Variants in KANK4 observed in about 807,000 individuals in gnomAD.
KANK4 encodes KN motif and ankyrin repeat domain-containing protein 4.
KANK4 carries 50 observed loss-of-function variants against 80.8 expected under a neutral mutation model. The observed-to-expected ratio is 0.62, with a 90% confidence interval of 0.49 to 0.78. The LOEUF is 0.78. Ranked by LOEUF, KANK4 falls within the 30% of genes least tolerant of loss-of-function variation. The pLI, the probability that KANK4 is intolerant of heterozygous loss-of-function variation, is 0.00. For missense variants in KANK4, 1,196 were observed against 1,240.1 expected, an observed-to-expected ratio of 0.96 and a Z score of 0.53; for synonymous variants, 465 against 506.9, an observed-to-expected ratio of 0.92 and a Z score of 1.11.
At chr1:62,250,476 T>C (rs1028981003) in intron 8 of KANK4, among the ~76,000 whole-genome samples, 1 of 152,218 alleles carries the variant, frequency 6.6e-6, no homozygotes, top group African/African-American at 2.4e-5. Context: ...AAGCAGCTTT[T>C]TCCTAGGAAT....
chr1:62,312,153 A>G (rs2149173992), intron 1 of KANK4, among the ~76,000 whole-genome samples: 1 of 152,342 alleles, frequency 6.6e-6, no homozygotes, highest in South Asian at 2.1e-4. Context: ...AAATTGTGTA[A>G]TATAGTAATA....
chr1:62,273,143 G>T (rs768984489), intron 3 of KANK4, 61 bp downstream of exon 3: 1 of 1,194,432 alleles, frequency 8.4e-7, no homozygotes, highest in Non-Finnish European at 1.2e-6. Context: ...TGTTCCCTCT[G>T]CCTTATCATG....
At chr1:62,276,600 A>T (rs1672320202) in intron 2 of KANK4, among the ~76,000 whole-genome samples, 1 of 152,112 alleles carries the variant, frequency 6.6e-6, no homozygotes, top group East Asian at 1.9e-4. Flanking sequence ...ACACGGTGAA[A>T]CCCCATCTCT....
At chr1:62,261,729 C>G (rs1452459752) in intron 7 of KANK4, among the ~76,000 whole-genome samples, 1 of 152,156 alleles carries the variant, frequency 6.6e-6, no homozygotes, top group East Asian at 1.9e-4. Flanking sequence ...TATGTGGTGG[C>G]TCCAACTCAC....
In KANK4 at chr1:62,266,794, T is replaced by A. The variant is rs764374864; in HGVS notation, c.2257A>T (p.Asn753Tyr). Residue 753 changes from asparagine to tyrosine, a missense_variant, in exon 6 of 10, where the codon AAT (asparagine) becomes TAT (tyrosine). Asn to Tyr is a moderately radical substitution (Grantham distance 143, BLOSUM62 -2). Around this residue, in one of 3 missense-constraint regions of KANK4, gnomAD observed 1,154 missense variants for 1,179.6 expected, o/e 0.98. Transcript: ENST00000371153. Reference protein sequence around the residue: ...ERYKPSEEFLNACRALSQHLP... With the variant: ...ERYKPSEEFLYACRALSQHLP... ...TGCTGGCTCAGTGCCCGGCATGCATTAAGAAATTCTTCTGAGGGTTTATAT... is the reference window on the plus strand; with the variant it reads ...TGCTGGCTCAGTGCCCGGCATGCATAAAGAAATTCTTCTGAGGGTTTATAT... 5.6e-6 allele frequency: 9 copies of A among 1,611,320 alleles called. No homozygotes were observed. In the East Asian group the frequency reaches 1.8e-4, roughly 32 times the overall value.
intron 1 of KANK4, among the ~76,000 whole-genome samples, chr1:62,289,112 G>A (rs1672628813): frequency 6.6e-6 from 1 of 152,124 alleles, no homozygotes; most frequent in Non-Finnish European, 1.5e-5. Flanking sequence ...TTTAGTGCCT[G>A]AAGACATAGG....
At chr1:62,245,985 T>C (rs530540696) in intron 9 of KANK4, among the ~76,000 whole-genome samples, 1 of 152,300 alleles carries the variant, frequency 6.6e-6, no homozygotes, top group African/African-American at 2.4e-5. Context: ...CCCAGGAGTT[T>C]AATGGAGCCG....
chr1:62,288,025 G>A (rs1312185553), intron 1 of KANK4, among the ~76,000 whole-genome samples: 1 of 152,154 alleles, frequency 6.6e-6, no homozygotes, highest in African/African-American at 2.4e-5. Context: ...AGAACAGCTG[G>A]AGGCACGCAG....
intron 1 of KANK4, among the ~76,000 whole-genome samples, chr1:62,310,119 ATCAG>A (rs1276937430): frequency 1.3e-5 from 2 of 152,216 alleles, no homozygotes; most frequent in Non-Finnish European, 2.9e-5. Context: ...TGTCCAAAAT[ATCAG>A]TCACTTAACC....
intron 4 of KANK4, 95 bp from the exon 5 acceptor site, chr1:62,268,600 G>A (rs531997628): frequency 4.9e-5 from 46 of 932,156 alleles, no homozygotes; most frequent in Non-Finnish European, 6.3e-5. Flanking sequence ...GTAACACTCC[G>A]CAGCTTGCTA....
chr1:62,257,041 G>T (rs963002346), intron 7 of KANK4, among the ~76,000 whole-genome samples: 3 of 152,004 alleles, frequency 2.0e-5, no homozygotes, highest in African/African-American at 7.2e-5. Flanking sequence ...ACCTGCTCAG[G>T]GGCTCAGGAA....
At chr1:62,313,872 AT>A (rs112956438) in intron 1 of KANK4, among the ~76,000 whole-genome samples, 63 of 151,730 alleles carry the variant, frequency 4.2e-4, no homozygotes, top group African/African-American at 1.4e-3. Context: ...AAAATAATAA[AT>A]TTTTTTTTAA....
At chr1:62,246,746 C>T (rs1671474981) in intron 9 of KANK4, among the ~76,000 whole-genome samples, 1 of 151,382 alleles carries the variant, frequency 6.6e-6, no homozygotes, top group Non-Finnish European at 1.5e-5. Context: ...TACAGGCGTG[C>T]ACCACCATAC....
At position 62,319,310 on chromosome 1, in the gene KANK4, C is replaced by G. The variant is rs1249076737; in HGVS notation, c.-275G>C. The G allele has an allele frequency of 6.6e-6, 1 of 151,920 alleles. No individual in the cohort carries two copies. Among genetic ancestry groups the G allele is most frequent in the Non-Finnish European group, 1.5e-5 (1 of 67,960 alleles). The allele number at this position is 151,920 out of a possible 1,614,324, so 9.4% of individuals were successfully genotyped here. A position where few individuals can be genotyped will look rare whatever the true frequency, so the allele number is the denominator to read the frequency against. On this transcript the variant is annotated 5_prime_UTR_variant, in exon 1 of 10. Transcript: ENST00000371153. ...CTCTGGCCGACGGTCTCGGCCCTGG[C>G]CCCGGCGCACCCCTGCGGGCACACC... is the stretch of plus-strand genomic sequence containing the variant.
intron 5 of KANK4, 54 bp downstream of exon 5, chr1:62,268,233 G>A (rs1473913661): frequency 2.9e-6 from 4 of 1,383,900 alleles, no homozygotes; most frequent in African/African-American, 1.4e-5. Context: ...GTAGATATAT[G>A]CCCTTGACCT....
intron 3 of KANK4, 120 bp from the exon 4 acceptor site, chr1:62,271,709 A>G: frequency 2.9e-6 from 2 of 693,292 alleles, no homozygotes; most frequent in East Asian, 2.7e-5. Flanking sequence ...AAGGAGGGAC[A>G]GGGAACCAGA....
chr1:62,256,921 C>T (rs2149127545), intron 7 of KANK4, among the ~76,000 whole-genome samples: 1 of 152,258 alleles, frequency 6.6e-6, no homozygotes, highest in African/African-American at 2.4e-5. Context: ...TATTTCTACA[C>T]CTTGATTATT....
intron 1 of KANK4, among the ~76,000 whole-genome samples, chr1:62,287,006 C>T (rs1672584119): frequency 1.3e-5 from 2 of 152,186 alleles, no homozygotes; most frequent in South Asian, 4.1e-4. Flanking sequence ...CACTTCCAGG[C>T]AGGGTTTCTA....
In KANK4 at chr1:62,247,538, A is replaced by G; in HGVS notation, c.2817T>C (p.His939=). ...GSSALMVACH[H]GNVDLVRLLL... ...GCAGCCGCACCAGGTCCACGTTGCC[A>G]TGGTGACAGGCCACCATGAGGGCCG... The change falls in exon 9 of 10, where the codon CAT becomes CAC. Residue 939 remains histidine, a synonymous_variant. Coordinates refer to ENST00000371153, the MANE Select transcript of KANK4 (RefSeq NM_181712.5). 1.2e-6 allele frequency: 2 copies of G among 1,614,000 alleles called. No homozygotes were observed. The highest frequency in any genetic ancestry group is 1.7e-6 in the Non-Finnish European group (2 of 1,179,998).
Sources: gnomAD v4.1 joint callset for allele counts (sites outside exome capture counted in the v4.1 genomes callset) on GRCh38, gnomAD v4.1.1 for gene constraint, gnomAD v4.1.1 regional missense constraint, MANE v1.5 for transcripts, NCBI Gene and HGNC (gene_info 2026-07-23, HGNC 2026-07-21) for gene names.